Variants in DLGAP2 observed in about 807,000 individuals in gnomAD.
DLGAP2 encodes disks large-associated protein 2.
DLGAP2 carries 26 observed loss-of-function variants against 100.3 expected under a neutral mutation model. The observed-to-expected ratio is 0.26, with a 90% confidence interval of 0.19 to 0.36. The LOEUF (loss-of-function observed/expected upper bound fraction) is 0.36, where lower values mean the gene tolerates loss of function less well. Among genes scored for constraint, DLGAP2 ranks in the 10% least tolerant of loss-of-function variants. The pLI is 1.00. For missense variants in DLGAP2, 1,858 were observed against 1,453.2 expected (o/e 1.28, Z -4.53); for synonymous variants, 886 against 630.1 (o/e 1.41, Z -6.08).
chr8:1,363,952 T>C (rs999221598), intron 3 of DLGAP2, among the ~76,000 whole-genome samples: 2 of 152,156 alleles, frequency 1.3e-5, no homozygotes, highest in Non-Finnish European at 2.9e-5. Flanking sequence ...CTATTGGCCA[T>C]GGCACAGTAG....
intron 8 of DLGAP2, among the ~76,000 whole-genome samples, chr8:1,633,432 C>G (rs114885190): frequency 2.6e-5 from 4 of 152,132 alleles, no homozygotes; most frequent in Non-Finnish European, 4.4e-5. Flanking sequence ...CCTGTAGTGA[C>G]GTCCAGCCGG....
At chr8:879,400 G>A (rs1797743205) in intron 1 of DLGAP2, among the ~76,000 whole-genome samples, 1 of 152,202 alleles carries the variant, frequency 6.6e-6, no homozygotes, top group African/African-American at 2.4e-5. Flanking sequence ...TGGGTCTGGT[G>A]GTACCCATGG....
chr8:1,561,403 C>T (rs903993927), intron 5 of DLGAP2, among the ~76,000 whole-genome samples: 10 of 152,150 alleles, frequency 6.6e-5, no homozygotes, highest in Admixed American at 3.3e-4. Flanking sequence ...TAGAAGAACC[C>T]GGCTGGAGAG....
intron 1 of DLGAP2, among the ~76,000 whole-genome samples, chr8:748,978 C>T (rs7010117): frequency 0.66 from 100,947 of 152,168 alleles, 33,920 homozygotes; most frequent in African/African-American, 0.79. Flanking sequence ...GGGAGGTGAG[C>T]AGGCTACTTT....
intron 2 of DLGAP2, among the ~76,000 whole-genome samples, chr8:1,237,422 G>A (rs1229773613): frequency 8.2e-5 from 11 of 133,962 alleles, no homozygotes; most frequent in South Asian, 2.6e-4. Context: ...ACATGGTGCC[G>A]TGTCTAGTTC....
At chr8:1,623,455 A>G (rs930435050) in intron 6 of DLGAP2, among the ~76,000 whole-genome samples, 1 of 151,844 alleles carries the variant, frequency 6.6e-6, no homozygotes, top group African/African-American at 2.4e-5. Context: ...ATGACCTGAC[A>G]CCAGCGCGCA....
At chr8:1,434,352 C>T (rs534855018) in intron 3 of DLGAP2, among the ~76,000 whole-genome samples, 5 of 152,146 alleles carry the variant, frequency 3.3e-5, no homozygotes, top group African/African-American at 4.8e-5. Context: ...GGGAAGTAGC[C>T]TCACGTGCAG....
At chr8:1,623,433 C>T (rs1797401351) in intron 6 of DLGAP2, among the ~76,000 whole-genome samples, 1 of 151,746 alleles carries the variant, frequency 6.6e-6, no homozygotes, top group African/African-American at 2.4e-5. Flanking sequence ...GATGACCTGA[C>T]ACCAGTGCAT....
rs192272749 is a variant in DLGAP2, at chr8:1,169,199, C to T, written c.74-89652C>T. On this transcript the variant is annotated intron_variant, in intron 2 of 14. Coordinates refer to ENST00000637795, the MANE Select transcript of DLGAP2 (RefSeq NM_001346810.2). ...CAAAGATCAGATGGTTGTAGATATGCGGCGTTATTTCTGAGGGCTCTGTTC... is the reference window on the plus strand; with the variant it reads ...CAAAGATCAGATGGTTGTAGATATGTGGCGTTATTTCTGAGGGCTCTGTTC... Among the ~76,000 whole-genome samples, 1,192 of 152,030 alleles carry T rather than the reference C, an allele frequency of 7.8e-3. 8 individuals are homozygous for T. Among genetic ancestry groups the T allele is most frequent in the African/African-American group, 0.027 (1,133 of 41,446 alleles).
At chr8:1,164,811 C>A (rs1034115833) in intron 2 of DLGAP2, among the ~76,000 whole-genome samples, 1 of 152,016 alleles carries the variant, frequency 6.6e-6, no homozygotes, top group African/African-American at 2.4e-5. Flanking sequence ...GGAAAGTGTG[C>A]GTGTGACAGT....
At chr8:1,132,488 C>A (rs1457436985) in intron 2 of DLGAP2, among the ~76,000 whole-genome samples, 1 of 152,214 alleles carries the variant, frequency 6.6e-6, no homozygotes, top group Non-Finnish European at 1.5e-5. Context: ...TGATCTGCAG[C>A]AGTGAATACA....
chr8:1,336,872 G>C (rs1004340518), intron 3 of DLGAP2, among the ~76,000 whole-genome samples: 9 of 152,134 alleles, frequency 5.9e-5, no homozygotes, highest in African/African-American at 1.9e-4. Context: ...TAGTTAAAAG[G>C]TATTGATTCT....
intron 1 of DLGAP2, among the ~76,000 whole-genome samples, chr8:764,174 C>T (rs923761519): frequency 9.9e-5 from 15 of 152,260 alleles, no homozygotes; most frequent in East Asian, 3.9e-4. Flanking sequence ...AGCACCGTGC[C>T]GCAGCTGCCA....
intron 3 of DLGAP2, among the ~76,000 whole-genome samples, chr8:1,339,479 T>C (rs13275903): frequency 0.14 from 21,736 of 152,184 alleles, 1,801 homozygotes; most frequent in Admixed American, 0.18. Context: ...GACCCTCCCT[T>C]GGTGAGCTCC....
chr8:1,148,236 A>C (rs1005112537), intron 2 of DLGAP2, among the ~76,000 whole-genome samples: 4 of 152,200 alleles, frequency 2.6e-5, no homozygotes, highest in African/African-American at 7.2e-5. Context: ...GGATTTACAA[A>C]TTAGTGATAG....
intron 6 of DLGAP2, among the ~76,000 whole-genome samples, chr8:1,594,611 A>G (rs1796392240): frequency 6.6e-6 from 1 of 152,072 alleles, no homozygotes; most frequent in South Asian, 2.1e-4. Flanking sequence ...CACCAAACAG[A>G]TGGGGTTTCA....
At chr8:1,070,624 G>C (rs1162309377) in intron 2 of DLGAP2, among the ~76,000 whole-genome samples, 1 of 152,040 alleles carries the variant, frequency 6.6e-6, no homozygotes, top group Admixed American at 6.5e-5. Context: ...ACATACATAC[G>C]CGTATGTGAA....
At chr8:895,696 G>T (rs898153334) in intron 1 of DLGAP2, among the ~76,000 whole-genome samples, 3 of 152,202 alleles carry the variant, frequency 2.0e-5, no homozygotes, top group Non-Finnish European at 4.4e-5. Context: ...GTGAAGGAGG[G>T]TTATGGGACA....
chr8:1,209,163 T>C (rs1798054313), intron 2 of DLGAP2, among the ~76,000 whole-genome samples: 1 of 152,048 alleles, frequency 6.6e-6, no homozygotes, highest in Non-Finnish European at 1.5e-5. Context: ...CTAAAATTCA[T>C]ATGGAACCAA....
Sources: allele counts gnomAD v4.1 joint callset (sites outside exome capture counted in the v4.1 genomes callset), GRCh38; gene constraint gnomAD v4.1.1; transcripts MANE v1.5; gene names NCBI Gene and HGNC (gene_info 2026-07-23, HGNC 2026-07-21).